Variants in SOBP observed in about 807,000 individuals in gnomAD.
SOBP encodes the protein sine oculis-binding protein homolog.
SOBP carries 4 observed loss-of-function variants against 53.6 expected under a neutral mutation model. The ratio of observed to expected loss-of-function variants is 0.07; its 90% CI spans 0.04 to 0.17. SOBP has a LOEUF of 0.17. Ranked by LOEUF, SOBP falls within the 10% of genes least tolerant of loss-of-function variation. The pLI is 1.00. For synonymous variants in SOBP, 584 were observed against 522.6 expected (o/e 1.12, Z -1.60); for missense variants, 1,088 against 1,204.7 (o/e 0.90, Z 1.43).
chr6:107,583,140 A>G (rs765957244), intron 4 of SOBP, among the ~76,000 whole-genome samples: 16 of 152,216 alleles, frequency 1.1e-4, no homozygotes, highest in Non-Finnish European at 2.2e-4. Flanking sequence ...TCTCTAGGGT[A>G]AGGAAGGTCC....
At chr6:107,563,876 G>C (rs540856351) in intron 4 of SOBP, among the ~76,000 whole-genome samples, 1 of 152,176 alleles carries the variant, frequency 6.6e-6, no homozygotes, top group Non-Finnish European at 1.5e-5. Flanking sequence ...ACCAGCACCA[G>C]CTACTGGGAG....
Position 107,533,565 on chromosome 6 carries a change from G to A in SOBP, c.528G>A (p.Glu176=). 1.2e-6 allele frequency: 2 copies of A among 1,614,182 alleles called. No homozygotes were observed. Among genetic ancestry groups the A allele is most frequent in the Non-Finnish European group, 1.7e-6 (2 of 1,180,018 alleles). The stretch of plus-strand genomic sequence containing the variant: ...GTGAGGTGAAAAGCTTCTGCAGCGA[G>A]AAGTGCTTTGCGGCCTGCCGACGAG... ...MGSEVKSFCS[E]KCFAACRRAY... is the part of the protein sequence containing the mutation. Residue 176 remains glutamate, a synonymous_variant, in exon 4 of 7, where the codon GAG becomes GAA. Coordinates refer to ENST00000317357, the MANE Select transcript of SOBP (RefSeq NM_018013.4).
chr6:107,582,019 A>G (rs775458082), intron 4 of SOBP, among the ~76,000 whole-genome samples: 1 of 152,174 alleles, frequency 6.6e-6, no homozygotes, highest in Non-Finnish European at 1.5e-5. Context: ...CTTGTTTTCA[A>G]AAGAAATCCT....
chr6:107,527,641 C>T (rs923631218), intron 3 of SOBP, among the ~76,000 whole-genome samples: 5 of 152,194 alleles, frequency 3.3e-5, no homozygotes, highest in African/African-American at 4.8e-5. Flanking sequence ...ATGACCAGTC[C>T]TTGATCGACT....
chr6:107,621,947 A>G (rs969256498), intron 5 of SOBP, among the ~76,000 whole-genome samples: 1 of 152,224 alleles, frequency 6.6e-6, no homozygotes, highest in Non-Finnish European at 1.5e-5. Flanking sequence ...ACTTTGAAGT[A>G]CACATCAGAG....
intron 4 of SOBP, among the ~76,000 whole-genome samples, chr6:107,579,827 G>A (rs1785349255): frequency 6.6e-6 from 1 of 152,174 alleles, no homozygotes; most frequent in African/African-American, 2.4e-5. Context: ...AGGTTTGCAT[G>A]GAGTGAAAAA....
intron 4 of SOBP, among the ~76,000 whole-genome samples, chr6:107,560,967 A>G (rs1784756895): frequency 6.6e-6 from 1 of 152,134 alleles, no homozygotes; most frequent in Admixed American, 6.5e-5. Context: ...TGTCAATAAT[A>G]TACTCGCTTT....
At chr6:107,555,900 G>A (rs6918288) in intron 4 of SOBP, among the ~76,000 whole-genome samples, 2,345 of 152,286 alleles carry the variant, frequency 0.015, 54 homozygotes, top group African/African-American at 0.054. Flanking sequence ...CTCTTGGGTT[G>A]TTTTGGAAGA....
At chr6:107,625,599 G>A (rs1182584189) in intron 5 of SOBP, among the ~76,000 whole-genome samples, 1 of 152,184 alleles carries the variant, frequency 6.6e-6, no homozygotes, top group Non-Finnish European at 1.5e-5. Flanking sequence ...AGCACACAAC[G>A]TAAGCTTGGC....
chr6:107,631,590 C>A (rs1364727424), intron 5 of SOBP, among the ~76,000 whole-genome samples: 3 of 152,152 alleles, frequency 2.0e-5, no homozygotes, highest in Non-Finnish European at 4.4e-5. Flanking sequence ...TTTTTGTAAA[C>A]TGGGCATCTC....
chr6:107,521,907 AAAAC>A (rs1451872306), intron 3 of SOBP, among the ~76,000 whole-genome samples: 2 of 110,834 alleles, frequency 1.8e-5, no homozygotes, highest in Admixed American at 1.0e-4. Context: ...GACAGACATT[AAAAC>A]ACACACACAC....
intron 4 of SOBP, among the ~76,000 whole-genome samples, chr6:107,544,171 A>G (rs10457170): frequency 6.6e-6 from 1 of 152,152 alleles, no homozygotes; most frequent in Non-Finnish European, 1.5e-5. Context: ...TGAAGCTACT[A>G]TCTTTGTGGC....
chr6:107,631,376 A>G (rs1251083597), intron 5 of SOBP, among the ~76,000 whole-genome samples: 2 of 152,226 alleles, frequency 1.3e-5, no homozygotes, highest in East Asian at 3.8e-4. Context: ...TAATATTGAA[A>G]CAGAAGCAGG....
chr6:107,660,942 G>A lies in SOBP; in HGVS notation c.*2739G>A, dbSNP rs1033536142. On this transcript the variant is annotated 3_prime_UTR_variant, in exon 7 of 7. Coordinates refer to ENST00000317357, the MANE Select transcript of SOBP (RefSeq NM_018013.4). ...GAGAGAATCTTGGAGGCTTCCTGGTGCAGAGTTATATTTATGGCGGTGACT... is the reference window on the plus strand; with the variant it reads ...GAGAGAATCTTGGAGGCTTCCTGGTACAGAGTTATATTTATGGCGGTGACT... Among the ~76,000 whole-genome samples, 16 of 152,322 alleles carry A rather than the reference G, an allele frequency of 1.1e-4. No individual in the cohort carries two copies. The highest frequency in any genetic ancestry group is 3.6e-4 in the African/African-American group (15 of 41,560).
intron 4 of SOBP, among the ~76,000 whole-genome samples, chr6:107,581,813 C>T (rs1159000530): frequency 6.6e-6 from 1 of 152,106 alleles, no homozygotes; most frequent in Non-Finnish European, 1.5e-5. Context: ...TCAATGGCCC[C>T]TTTTTTCTCC....
Position 107,636,703 on chromosome 6 carries a change from G to T in SOBP, c.*3+1234G>T, listed in dbSNP as rs1771060686. On this transcript the variant is annotated intron_variant, in intron 6 of 6. Transcript: ENST00000317357. Reference sequence around the variant, plus strand: ...TAGGGAGATACAAAGGTAAATGATGGCGTGCCCCCATCTGGTGGGAGTGCA... The same window carrying T: ...TAGGGAGATACAAAGGTAAATGATGTCGTGCCCCCATCTGGTGGGAGTGCA... Among the ~76,000 whole-genome samples the T allele has an allele frequency of 3.9e-5, 6 of 152,170 alleles. No homozygotes were observed. In the South Asian group the frequency reaches 1.2e-3, roughly 32 times the overall value.
chr6:107,604,700 C>T (rs769891961), intron 5 of SOBP, among the ~76,000 whole-genome samples: 2 of 152,150 alleles, frequency 1.3e-5, no homozygotes, highest in Non-Finnish European at 2.9e-5. Flanking sequence ...CCTGTGAGGG[C>T]GCCCCCAGTG....
At chr6:107,637,880 A>G (rs1771118446) in intron 6 of SOBP, among the ~76,000 whole-genome samples, 1 of 152,250 alleles carries the variant, frequency 6.6e-6, no homozygotes, top group Admixed American at 6.5e-5. Context: ...CAGAATCATT[A>G]AAAATATCAA....
At chr6:107,582,726 G>A (rs140948549) in intron 4 of SOBP, among the ~76,000 whole-genome samples, 60 of 152,270 alleles carry the variant, frequency 3.9e-4, no homozygotes, top group African/African-American at 1.4e-3. Flanking sequence ...TAACACACAA[G>A]GAGAGAGTTA....
Sources: allele counts gnomAD v4.1 joint callset (sites outside exome capture counted in the v4.1 genomes callset), GRCh38; gene constraint gnomAD v4.1.1; transcripts MANE v1.5; gene names NCBI Gene and HGNC (gene_info 2026-07-23, HGNC 2026-07-21).